DCDC1: variants seen among roughly 807,000 people sequenced by gnomAD.
DCDC1 encodes doublecortin domain-containing protein 1.
A neutral mutation model predicts 178.3 loss-of-function variants in DCDC1; 200 were observed. The ratio of observed to expected loss-of-function variants is 1.12; its 90% CI spans 1.00 to 1.26. The LOEUF (loss-of-function observed/expected upper bound fraction) is 1.26. DCDC1 is among the 50% of genes most tolerant of loss of function. DCDC1 has a pLI of 0.00. For synonymous variants in DCDC1, 690 were observed against 604.8 expected (o/e 1.14, Z -2.07); for missense variants, 1,983 against 1,749.2 (o/e 1.13, Z -2.38).
chr11:31,308,683 G>A (rs1260486883), intron 3 of DCDC1, among the ~76,000 whole-genome samples: 1 of 152,156 alleles, frequency 6.6e-6, no homozygotes, highest in Non-Finnish European at 1.5e-5. Flanking sequence ...GGAACCACAT[G>A]ACCTGGAAGA....
chr11:31,127,911 A>T (rs1267452363), intron 10 of DCDC1, among the ~76,000 whole-genome samples: 2 of 152,182 alleles, frequency 1.3e-5, no homozygotes, highest in Non-Finnish European at 2.9e-5. Flanking sequence ...ATATGAAAAG[A>T]AACATATACA....
At chr11:31,010,808 T>C (rs981372316) in intron 20 of DCDC1, among the ~76,000 whole-genome samples, 3 of 152,220 alleles carry the variant, frequency 2.0e-5, no homozygotes, top group Non-Finnish European at 4.4e-5. Context: ...AAGCAATCTA[T>C]AAACATTTAA....
At chr11:31,189,446 C>A (rs1413020941) in intron 9 of DCDC1, among the ~76,000 whole-genome samples, 1 of 152,168 alleles carries the variant, frequency 6.6e-6, no homozygotes, top group Non-Finnish European at 1.5e-5. Context: ...TATCTCAGGA[C>A]TGAAACATCC....
intron 22 of DCDC1, among the ~76,000 whole-genome samples, chr11:30,931,260 T>G (rs1186649070): frequency 1.3e-5 from 2 of 152,072 alleles, no homozygotes; most frequent in Non-Finnish European, 2.9e-5. Flanking sequence ...AGCTAAAGTG[T>G]CAATAAATGT....
At chr11:30,988,718 G>GA (rs879933850) in intron 20 of DCDC1, among the ~76,000 whole-genome samples, 5 of 151,762 alleles carry the variant, frequency 3.3e-5, no homozygotes, top group South Asian at 4.2e-4. Context: ...TAACTGATGA[G>GA]AAAAAAAACG....
At chr11:31,068,119 T>C (rs1443309824) in intron 18 of DCDC1, among the ~76,000 whole-genome samples, 3 of 151,950 alleles carry the variant, frequency 2.0e-5, no homozygotes, top group Non-Finnish European at 4.4e-5. Flanking sequence ...AGAAAAGGGA[T>C]CCAGAAAATG....
At chr11:30,914,632 CAAAAAAA>C (rs11355322) in intron 27 of DCDC1, among the ~76,000 whole-genome samples, 15 of 100,862 alleles carry the variant, frequency 1.5e-4, no homozygotes, top group Non-Finnish European at 2.9e-4. Flanking sequence ...CATATGCACC[CAAAAAAA>C]AAAAAAAAAA....
At chr11:30,942,222 T>G (rs553137771) in intron 21 of DCDC1, among the ~76,000 whole-genome samples, 1 of 152,338 alleles carries the variant, frequency 6.6e-6, no homozygotes, top group African/African-American at 2.4e-5. Context: ...TTGTATATTT[T>G]TATTTGAAAT....
chr11:31,153,998 C>T (rs1965465860), intron 9 of DCDC1, among the ~76,000 whole-genome samples: 1 of 152,112 alleles, frequency 6.6e-6, no homozygotes. Flanking sequence ...GGGGAGGGAC[C>T]TGGTGGGAGG....
chr11:31,361,459 T>C (rs1951704947), intron 1 of DCDC1, among the ~76,000 whole-genome samples: 1 of 152,194 alleles, frequency 6.6e-6, no homozygotes, highest in Non-Finnish European at 1.5e-5. Flanking sequence ...TAATTTACGT[T>C]AGTAAAATTG....
intron 2 of DCDC1, among the ~76,000 whole-genome samples, chr11:31,334,692 G>A (rs868413097): frequency 2.6e-5 from 4 of 152,304 alleles, no homozygotes; most frequent in Middle Eastern, 6.8e-3. Flanking sequence ...GACCATGTTT[G>A]CCTGGGTATC....
At chr11:31,365,181 G>C (rs544788627) in intron 1 of DCDC1, among the ~76,000 whole-genome samples, 1 of 152,248 alleles carries the variant, frequency 6.6e-6, no homozygotes, top group South Asian at 2.1e-4. Context: ...GGGTACATAA[G>C]AGACACTCAA....
intron 9 of DCDC1, among the ~76,000 whole-genome samples, chr11:31,143,309 A>G (rs1964066193): frequency 6.6e-6 from 1 of 152,144 alleles, no homozygotes; most frequent in South Asian, 2.1e-4. Context: ...ATTATTTTTA[A>G]TTAATAATTA....
chr11:30,909,923 C>T (rs953016224), intron 28 of DCDC1, among the ~76,000 whole-genome samples: 2 of 152,072 alleles, frequency 1.3e-5, no homozygotes, highest in African/African-American at 4.8e-5. Context: ...TGTCATAACA[C>T]CTCAAGGAAC....
intron 18 of DCDC1, among the ~76,000 whole-genome samples, chr11:31,069,986 T>C (rs1005327627): frequency 2.0e-5 from 3 of 152,172 alleles, no homozygotes; most frequent in African/African-American, 4.8e-5. Flanking sequence ...AGTTGAAAGT[T>C]TGGCAAAGGT....
intron 10 of DCDC1, among the ~76,000 whole-genome samples, chr11:31,135,978 T>C (rs1328391345): frequency 6.6e-6 from 1 of 152,118 alleles, no homozygotes; most frequent in Non-Finnish European, 1.5e-5. Context: ...TTGCATAAAA[T>C]ATCAAAAGGC....
chr11:30,988,198 G>A (rs536509228), intron 20 of DCDC1, among the ~76,000 whole-genome samples: 1 of 152,158 alleles, frequency 6.6e-6, no homozygotes, highest in East Asian at 1.9e-4. Flanking sequence ...GAGAGCAAAA[G>A]TAGAAGCAGA....
intron 8 of DCDC1, chr11:31,262,532 A>G (rs1344122162): frequency 6.6e-6 from 1 of 152,238 alleles, no homozygotes; most frequent in African/African-American, 2.4e-5. Flanking sequence ...ATCTGTGCTT[A>G]TAAATAAAAA....
At chr11:31,236,754 A>C (rs1976511477) in intron 9 of DCDC1, among the ~76,000 whole-genome samples, 1 of 151,978 alleles carries the variant, frequency 6.6e-6, no homozygotes, top group African/African-American at 2.4e-5. Flanking sequence ...TGACTATCAC[A>C]CTATTTTCAT....
Sources: allele counts gnomAD v4.1 joint callset (sites outside exome capture counted in the v4.1 genomes callset), GRCh38; gene constraint gnomAD v4.1.1; transcripts MANE v1.5; gene names NCBI Gene and HGNC (gene_info 2026-07-23, HGNC 2026-07-21).